Variants in SYT1 observed in about 807,000 individuals in gnomAD.
SYT1 encodes synaptotagmin 1.
In SYT1, 8 loss-of-function variants were observed where a neutral mutation model predicts 44.8. The observed-to-expected ratio is 0.18, with a 90% CI of 0.10 to 0.32. The LOEUF (loss-of-function observed/expected upper bound fraction) is 0.32, where lower values mean the gene tolerates loss of function less well. SYT1 is among the 10% of genes least tolerant of loss of function. The pLI, the probability that SYT1 is intolerant of heterozygous loss-of-function variation, is 1.00. For missense variants in SYT1, 286 were observed against 509.3 expected (o/e 0.56, Z 4.22); for synonymous variants, 154 against 188.8 (o/e 0.82, Z 1.51).
chr12:79,386,497 T>C (rs1383226733), intron 9 of SYT1, among the ~76,000 whole-genome samples: 3 of 152,086 alleles, frequency 2.0e-5, no homozygotes, highest in South Asian at 2.1e-4. Flanking sequence ...GCTATCCCTC[T>C]CCTAGCCCCC....
chr12:79,127,824 T>C (rs1404642525), intron 3 of SYT1, among the ~76,000 whole-genome samples: 1 of 152,206 alleles, frequency 6.6e-6, no homozygotes, highest in Non-Finnish European at 1.5e-5. Context: ...TCTTTAGGAA[T>C]GCATGTTGGA....
At chr12:79,034,976 C>G (rs552537102) in intron 2 of SYT1, among the ~76,000 whole-genome samples, 24 of 151,716 alleles carry the variant, frequency 1.6e-4, no homozygotes, top group Middle Eastern at 3.4e-3. Flanking sequence ...GGATGCCCAA[C>G]AGTGGAAACC....
chr12:79,071,277 T>G (rs1435812641), intron 3 of SYT1, among the ~76,000 whole-genome samples: 1 of 152,180 alleles, frequency 6.6e-6, no homozygotes, highest in Non-Finnish European at 1.5e-5. Flanking sequence ...TAATTCAAGA[T>G]TTTATTTACT....
At chr12:79,012,143 A>C (rs12321703) in intron 2 of SYT1, among the ~76,000 whole-genome samples, 1 of 151,700 alleles carries the variant, frequency 6.6e-6, no homozygotes, top group African/African-American at 2.4e-5. Context: ...AAAAAAAAAA[A>C]AAAAAAGGGA....
At chr12:79,338,827 G>A (rs920732959) in intron 8 of SYT1, among the ~76,000 whole-genome samples, 6 of 150,058 alleles carry the variant, frequency 4.0e-5, no homozygotes, top group Non-Finnish European at 7.4e-5. Context: ...CCCATCCCCC[G>A]ACCCCACAAC....
chr12:79,372,878 CTG>C (rs10591085), intron 9 of SYT1, among the ~76,000 whole-genome samples: 51,236 of 151,942 alleles, frequency 0.34, 11,275 homozygotes, highest in African/African-American at 0.63. Context: ...CTGAGTTCAG[CTG>C]TGTGTTAGGC....
rs534181856 is a variant in SYT1, at chr12:79,338,252, A to C, written c.811-15250A>C. Among the ~76,000 whole-genome samples, 13 of 147,338 alleles carry C rather than the reference A, an allele frequency of 8.8e-5. No homozygotes were observed. The South Asian group carries it at 2.9e-3, about 32-fold the overall frequency. ...CCATATTCCAAGAAAATGTCAACTAATTTTTTTTTCTTTTTTCTTTTTCCT... is the reference window on the plus strand; with the variant it reads ...CCATATTCCAAGAAAATGTCAACTACTTTTTTTTTCTTTTTTCTTTTTCCT... On this transcript the variant is annotated intron_variant, in intron 8 of 10. Transcript: ENST00000261205.
chr12:79,337,077 C>G (rs187037996), intron 8 of SYT1, among the ~76,000 whole-genome samples: 201 of 151,002 alleles, frequency 1.3e-3, no homozygotes, highest in Non-Finnish European at 2.5e-3. Context: ...TTCCCCTCCC[C>G]CCAGTGTTGG....
At chr12:79,219,612 C>T (rs1255388032) in intron 4 of SYT1, among the ~76,000 whole-genome samples, 1 of 152,004 alleles carries the variant, frequency 6.6e-6, no homozygotes, top group Non-Finnish European at 1.5e-5. Context: ...GTTCTTTCTC[C>T]ATTGTGGGTT....
intron 8 of SYT1, among the ~76,000 whole-genome samples, chr12:79,323,722 A>C (rs905564916): frequency 6.6e-6 from 1 of 151,950 alleles, no homozygotes; most frequent in Non-Finnish European, 1.5e-5. Flanking sequence ...TACTGATACT[A>C]TGACTTCATG....
chr12:79,387,367 C>G (rs1470946213), intron 9 of SYT1, among the ~76,000 whole-genome samples: 2 of 152,156 alleles, frequency 1.3e-5, no homozygotes, highest in Non-Finnish European at 2.9e-5. Context: ...ATGCAGAGGG[C>G]ATTACACTTA....
intron 4 of SYT1, among the ~76,000 whole-genome samples, chr12:79,241,076 G>T (rs575559136): frequency 3.0e-4 from 46 of 152,188 alleles, no homozygotes; most frequent in Non-Finnish European, 5.7e-4. Flanking sequence ...AGGAGACTGA[G>T]GTAGGAGGAT....
chr12:79,055,810 G>A (rs1874889499), intron 3 of SYT1, among the ~76,000 whole-genome samples: 1 of 151,614 alleles, frequency 6.6e-6, no homozygotes, highest in African/African-American at 2.4e-5. Flanking sequence ...AATATCAAAG[G>A]GGCATTCTTT....
chr12:79,284,293 A>T (rs1432183590), intron 4 of SYT1, among the ~76,000 whole-genome samples: 1 of 152,174 alleles, frequency 6.6e-6, no homozygotes, highest in East Asian at 1.9e-4. Flanking sequence ...GACAACTGTA[A>T]TAGAAAACTC....
intron 3 of SYT1, among the ~76,000 whole-genome samples, chr12:79,117,706 TATATATATAA>T (rs1466357582): frequency 1.2e-3 from 121 of 103,214 alleles, no homozygotes; most frequent in African/African-American, 4.5e-3. Flanking sequence ...TATATATATA[TATATATATAA>T]AATAAATAGG....
chr12:79,022,662 AAAAT>A (rs1479153042), intron 2 of SYT1, among the ~76,000 whole-genome samples: 2 of 151,484 alleles, frequency 1.3e-5, no homozygotes, highest in Non-Finnish European at 3.0e-5. Flanking sequence ...TGTTTATTTT[AAAAT>A]AAATTAATTA....
intron 2 of SYT1, among the ~76,000 whole-genome samples, chr12:79,020,558 AGAAGTGT>A (rs537608082): frequency 1.5e-4 from 23 of 152,104 alleles, no homozygotes; most frequent in African/African-American, 5.5e-4. Flanking sequence ...TGAAACTTAG[AGAAGTGT>A]GATTTCTTTA....
chr12:79,083,613 C>T (rs961060863), intron 3 of SYT1, among the ~76,000 whole-genome samples: 7 of 152,024 alleles, frequency 4.6e-5, no homozygotes, highest in East Asian at 1.9e-4. Context: ...AGTTGTAAAA[C>T]GTATATTAAT....
intron 3 of SYT1, among the ~76,000 whole-genome samples, chr12:79,150,961 A>G (rs1870233457): frequency 6.6e-6 from 1 of 151,914 alleles, no homozygotes; most frequent in Non-Finnish European, 1.5e-5. Flanking sequence ...AAAGGGGAGC[A>G]TGATTTTGAG....
Sources: allele counts gnomAD v4.1 joint callset (sites outside exome capture counted in the v4.1 genomes callset), GRCh38; gene constraint gnomAD v4.1.1; transcripts MANE v1.5; gene names NCBI Gene and HGNC (gene_info 2026-07-23, HGNC 2026-07-21).